Variants in EFEMP1 observed in about 807,000 individuals in gnomAD.
The protein encoded by EFEMP1 is EGF-containing fibulin-like extracellular matrix protein 1.
A neutral mutation model predicts 65.7 loss-of-function variants in EFEMP1; 18 were observed. That is an observed-to-expected ratio of 0.27 (90% confidence interval 0.19 to 0.41). The LOEUF is 0.41. Among genes scored for constraint, EFEMP1 ranks in the 10% least tolerant of loss-of-function variants. The pLI is 1.00. For synonymous variants in EFEMP1, 237 were observed against 219.7 expected (o/e 1.08, Z -0.70); for missense variants, 469 against 624.8 (o/e 0.75, Z 2.66).
intron 5 of EFEMP1, among the ~76,000 whole-genome samples, chr2:55,915,138 T>G (rs1670629452): frequency 6.6e-6 from 1 of 152,198 alleles, no homozygotes; most frequent in Non-Finnish European, 1.5e-5. Flanking sequence ...TTTGCAAAAT[T>G]GTGAGGTGGG....
At chr2:55,875,365 C>CACACACACACACACACACACACAT (rs1457478860) in intron 8 of EFEMP1, among the ~76,000 whole-genome samples, 50 of 137,144 alleles carry the variant, frequency 3.6e-4, no homozygotes, top group African/African-American at 1.3e-3. Flanking sequence ...CACACACACA[C>CACACACACACACACACACACACAT]ATATATATTT....
intron 4 of EFEMP1, 61 bp downstream of exon 4, chr2:55,918,158 G>A: frequency 6.2e-7 from 1 of 1,612,540 alleles, no homozygotes; most frequent in African/African-American, 1.3e-5. Flanking sequence ...GACAGGAAGA[G>A]TGACACAAGA....
At chr2:55,874,163 G>A (rs1668931899) in intron 9 of EFEMP1, among the ~76,000 whole-genome samples, 1 of 152,038 alleles carries the variant, frequency 6.6e-6, no homozygotes, top group Admixed American at 6.6e-5. Context: ...CAGGTTTTCT[G>A]TCAAGTTTGG....
In EFEMP1 at chr2:55,908,048, G is replaced by A. The variant is rs140172819; in HGVS notation, c.517+9617C>T. 6.6e-3 allele frequency among the ~76,000 whole-genome samples: 1,009 copies of A among 152,180 alleles called. 14 individuals carry two copies. Among genetic ancestry groups the A allele is most frequent in the African/African-American group, 0.021 (874 of 41,518 alleles). ...TCAGTAAGCTCTGTTCTTTCTTCCT[G>A]GGTTCCTGAGAGCTATGACTTTTTC... On this transcript the variant is annotated intron_variant, in intron 5 of 11. Transcript: ENST00000355426.
intron 5 of EFEMP1, among the ~76,000 whole-genome samples, chr2:55,911,120 A>G (rs1670465776): frequency 6.6e-6 from 1 of 152,178 alleles, no homozygotes; most frequent in Non-Finnish European, 1.5e-5. Flanking sequence ...AGAGATGTGT[A>G]TCCTGTTTTC....
intron 5 of EFEMP1, among the ~76,000 whole-genome samples, chr2:55,912,394 C>G (rs1339381914): frequency 6.6e-6 from 1 of 152,136 alleles, no homozygotes; most frequent in Non-Finnish European, 1.5e-5. Flanking sequence ...CTTGGTTACA[C>G]TATGATTTTC....
intron 5 of EFEMP1, among the ~76,000 whole-genome samples, chr2:55,882,869 T>C (rs763976575): frequency 3.3e-5 from 5 of 152,130 alleles, no homozygotes; most frequent in Admixed American, 6.5e-5. Flanking sequence ...CATGGTAGTA[T>C]GTTGGAAGAA....
In EFEMP1 at chr2:55,921,636, T is replaced by C. The variant is rs190446580; in HGVS notation, c.81+724A>G. 6.6e-6 allele frequency among the ~76,000 whole-genome samples: 1 copy of C among 152,296 alleles called. No homozygotes were observed. Among genetic ancestry groups the C allele is most frequent in the African/African-American group, 2.4e-5 (1 of 41,574 alleles). On this transcript the variant is annotated intron_variant, in intron 3 of 11. Coordinates refer to ENST00000355426, the MANE Select transcript of EFEMP1 (RefSeq NM_001039348.3). The surrounding 1 kb of genome is among the most constrained non-coding windows in gnomAD (Gnocchi z 4.1). ...CCTTCTCTGTTCTCACCACAACTAT[T>C]TGTAGCAGTGGGAGGGGTCAGGTGA...
chr2:55,922,783 A>C lies in EFEMP1; in HGVS notation c.-8+116T>G. On this transcript the variant is annotated intron_variant, in intron 2 of 11. Coordinates refer to ENST00000355426, the MANE Select transcript of EFEMP1 (RefSeq NM_001039348.3). The surrounding 1 kb of genome is among the most constrained non-coding windows in gnomAD (Gnocchi z 5.5). The stretch of plus-strand genomic sequence containing the variant: ...AGGGGGTCGAAAGGAAAAAACAGTA[A>C]TCCATTTCAAAGGGGACGGTGCATT... 1.3e-6 allele frequency: 1 copy of C among 792,918 alleles called. No homozygotes were observed. The highest frequency in any genetic ancestry group is 1.9e-5 in the South Asian group (1 of 53,244). The allele number at this position is 792,918 out of a possible 1,614,324, so 49.1% of individuals were successfully genotyped here.
Position 55,922,360 on chromosome 2 carries a change from C to A in EFEMP1, c.81G>T (p.Thr27=). ...TATTTCAAATTCCATCACCCCTTACCGTGTACGTGATGGTTTCTTCGGTGT... is the reference window on the plus strand; with the variant it reads ...TATTTCAAATTCCATCACCCCTTACAGTGTACGTGATGGTTTCTTCGGTGT... The part of the protein sequence containing the change: ...SQDTEETITY[T]QCTDGYEWDP... Residue 27 remains threonine, a splice_region_variant and synonymous_variant, in exon 3 of 12, where the codon ACG becomes ACT. Coordinates refer to ENST00000355426, the MANE Select transcript of EFEMP1 (RefSeq NM_001039348.3). The surrounding 1 kb of genome is among the most constrained non-coding windows in gnomAD (Gnocchi z 5.5). 6.2e-7 allele frequency: 1 copy of A among 1,613,562 alleles called. No individual in the cohort carries two copies. The highest frequency in any genetic ancestry group is 1.1e-5 in the South Asian group (1 of 91,046).
chr2:55,916,098 G>C (rs908148723), intron 5 of EFEMP1, among the ~76,000 whole-genome samples: 1 of 149,462 alleles, frequency 6.7e-6, no homozygotes, highest in East Asian at 2.0e-4. Flanking sequence ...AGCATGACAA[G>C]TTTCCTTCAT....
In EFEMP1 at chr2:55,871,540, T is replaced by C. The variant is rs1668809482; in HGVS notation, c.1001-417A>G. 6.6e-6 allele frequency among the ~76,000 whole-genome samples: 1 copy of C among 152,004 alleles called. No individual in the cohort carries two copies. Among genetic ancestry groups the C allele is most frequent in the Non-Finnish European group, 1.5e-5 (1 of 67,984 alleles). ...TATACTGGGGCATGTGGAGCAGAGT[T>C]GGGTAATTTTGCCAGGGGGATTAGG... On this transcript the variant is annotated intron_variant, in intron 9 of 11. Coordinates refer to ENST00000355426, the MANE Select transcript of EFEMP1 (RefSeq NM_001039348.3). The surrounding 1 kb of genome is among the most constrained non-coding windows in gnomAD (Gnocchi z 4.2).
Position 55,885,349 on chromosome 2 carries a change from T to C in EFEMP1, c.518-3615A>G, listed in dbSNP as rs1669387245. 6.6e-6 allele frequency among the ~76,000 whole-genome samples: 1 copy of C among 152,174 alleles called. No homozygotes were observed. The highest frequency in any genetic ancestry group is 2.1e-4 in the South Asian group (1 of 4,828). ...GCTCTGTGTGAGGAGCCTGGTGCAG[T>C]GCCTGGTTGAAGAGGATCATGAAAT... On this transcript the variant is annotated intron_variant, in intron 5 of 11. Transcript: ENST00000355426. This position sits in a 1 kb window ranked among gnomAD's most constrained non-coding sequence, Gnocchi z 4.3.
At chr2:55,892,211 C>T (rs1052029108) in intron 5 of EFEMP1, among the ~76,000 whole-genome samples, 4 of 152,162 alleles carry the variant, frequency 2.6e-5, no homozygotes, top group African/African-American at 9.6e-5. Context: ...TTTTACTTTA[C>T]ATTTCCATTG....
chr2:55,910,497 C>T (rs545193149), intron 5 of EFEMP1, among the ~76,000 whole-genome samples: 7 of 152,178 alleles, frequency 4.6e-5, no homozygotes, highest in African/African-American at 7.2e-5. Context: ...CAATTCAACA[C>T]GTGCAAAGGC....
rs955086859 is a variant in EFEMP1 at position 55,873,152 on chromosome 2, A to G, written c.1000+1794T>C. 6.6e-6 allele frequency among the ~76,000 whole-genome samples: 1 copy of G among 151,628 alleles called. No individual in the cohort carries two copies. Among genetic ancestry groups the G allele is most frequent in the African/African-American group, 2.4e-5 (1 of 41,296 alleles). ...AATGAGAACAGTTATTTCATCCACA[A>G]AATAAGTCTTTTAGAGAAAGTTAAG... On this transcript the variant is annotated intron_variant, in intron 9 of 11. Transcript: ENST00000355426. This position sits in a 1 kb window ranked among gnomAD's most constrained non-coding sequence, Gnocchi z 4.6.
At chr2:55,893,194 C>T (rs980433338) in intron 5 of EFEMP1, among the ~76,000 whole-genome samples, 2 of 152,150 alleles carry the variant, frequency 1.3e-5, no homozygotes, top group Non-Finnish European at 2.9e-5. Flanking sequence ...TATTCTCTAA[C>T]AGCTAGTATT....
chr2:55,869,960 G>A (rs1205336867), intron 11 of EFEMP1, among the ~76,000 whole-genome samples: 1 of 152,108 alleles, frequency 6.6e-6, no homozygotes, highest in Non-Finnish European at 1.5e-5. Flanking sequence ...AAGGGATCAT[G>A]GAAGTGACGG....
intron 5 of EFEMP1, among the ~76,000 whole-genome samples, chr2:55,882,840 A>G (rs1170713316): frequency 6.6e-6 from 1 of 152,082 alleles, no homozygotes; most frequent in Non-Finnish European, 1.5e-5. Context: ...GAGGTCTTAG[A>G]TCATCACTGT....
Sources: gnomAD v4.1 joint callset for allele counts (sites outside exome capture counted in the v4.1 genomes callset) on GRCh38, gnomAD v4.1.1 for gene constraint, Gnocchi (gnomAD v3.1) non-coding constraint, MANE v1.5 for transcripts, NCBI Gene and HGNC (gene_info 2026-07-23, HGNC 2026-07-21) for gene names.